Variants in CCDC83 observed in about 807,000 individuals in gnomAD.
The protein encoded by CCDC83 is coiled-coil domain-containing protein 83.
A neutral mutation model predicts 50.1 loss-of-function variants in CCDC83; 54 were observed. The ratio of observed to expected loss-of-function variants is 1.08; its 90% CI spans 0.87 to 1.35. The LOEUF (loss-of-function observed/expected upper bound fraction) is 1.35. Among genes scored for constraint, CCDC83 ranks in the 40% most tolerant of loss-of-function variants. CCDC83 has a pLI of 0.00. For missense variants in CCDC83, 518 were observed against 473.9 expected (o/e 1.09, Z -0.86); for synonymous variants, 161 against 153.3 (o/e 1.05, Z -0.37).
In CCDC83 at chr11:85,911,398, C is replaced by T; in HGVS notation, c.790C>T (p.Pro264Ser). 6.3e-7 allele frequency: 1 copy of T among 1,586,924 alleles called. No homozygotes were observed. The highest frequency in any genetic ancestry group is 1.4e-5 in the African/African-American group (1 of 73,722). The stretch of plus-strand genomic sequence containing the variant: ...CTGTAGACTTGTGGATCTCAAGATA[C>T]CCAGGTGAAAATTGTTAATATATAG... The part of the protein sequence containing the change: ...SNCRLVDLKI[P>S]RRLYLTQAAG... The change falls in exon 8 of 11, where the codon CCC becomes TCC. Residue 264 changes from proline to serine, a missense_variant. Transcript: ENST00000342404.
intron 1 of CCDC83, among the ~76,000 whole-genome samples, chr11:85,860,656 A>G (rs2093170888): frequency 6.6e-6 from 1 of 152,228 alleles, no homozygotes; most frequent in Non-Finnish European, 1.5e-5. Flanking sequence ...TAAGGAAAAT[A>G]AATCATTCTG....
intron 5 of CCDC83, among the ~76,000 whole-genome samples, chr11:85,888,352 T>C: frequency 6.6e-6 from 1 of 152,216 alleles, no homozygotes; most frequent in Non-Finnish European, 1.5e-5. Context: ...TCGAAAATGG[T>C]ATCTCATTGT....
chr11:85,896,277 A>G (rs112232987), intron 6 of CCDC83, among the ~76,000 whole-genome samples: 1 of 151,794 alleles, frequency 6.6e-6, no homozygotes, highest in African/African-American at 2.4e-5. Flanking sequence ...GTCCCAGCTC[A>G]GTAGTGCCAG....
intron 5 of CCDC83, among the ~76,000 whole-genome samples, chr11:85,887,297 G>T (rs2093331717): frequency 6.6e-6 from 1 of 152,186 alleles, no homozygotes; most frequent in South Asian, 2.1e-4. Flanking sequence ...AGAATCATAG[G>T]ACAGAATTAA....
chr11:85,903,954 G>A (rs1057281874), intron 7 of CCDC83, among the ~76,000 whole-genome samples: 10 of 151,566 alleles, frequency 6.6e-5, no homozygotes, highest in Non-Finnish European at 7.4e-5. Flanking sequence ...GCAACACAGC[G>A]AGACTCTGTC....
chr11:85,907,979 T>C (rs1484888065), intron 7 of CCDC83, among the ~76,000 whole-genome samples: 2 of 152,220 alleles, frequency 1.3e-5, no homozygotes, highest in East Asian at 3.8e-4. Flanking sequence ...CCTTTGACAT[T>C]TGAAAATCAT....
chr11:85,892,099 A>T (rs1007930281), intron 5 of CCDC83, among the ~76,000 whole-genome samples: 1 of 152,218 alleles, frequency 6.6e-6, no homozygotes, highest in African/African-American at 2.4e-5. Context: ...AGAAGAGTAT[A>T]TAATAAAGCT....
Position 85,865,162 on chromosome 11 carries a change from T to A in CCDC83, c.39T>A (p.His13Gln), listed in dbSNP as rs745421600. The A allele has an allele frequency of 6.2e-7, 1 of 1,613,324 alleles. No homozygotes were observed. The highest frequency in any genetic ancestry group is 8.5e-7 in the Non-Finnish European group (1 of 1,179,338). The change falls in exon 2 of 11, where the codon CAT (histidine) becomes CAA (glutamine). Residue 13 changes from histidine to glutamine, a missense_variant. His to Gln is a conservative substitution (Grantham distance 24). Transcript: ENST00000342404. ...NSGKANKKDTHDGPPKEIKLP... is the reference protein window; with the variant it reads ...NSGKANKKDTQDGPPKEIKLP... ...GGAAAGCAAATAAAAAGGATACACATGACGGGCCACCAAAAGAAATTAAAC... is the reference window on the plus strand; with the variant it reads ...GGAAAGCAAATAAAAAGGATACACAAGACGGGCCACCAAAAGAAATTAAAC...
intron 7 of CCDC83, among the ~76,000 whole-genome samples, chr11:85,900,755 T>A (rs1369708201): frequency 1.3e-5 from 2 of 152,164 alleles, no homozygotes; most frequent in African/African-American, 2.4e-5. Flanking sequence ...ACTGTGAAGG[T>A]CTTTTGTTAG....
At chr11:85,912,437 A>T (rs950052882) in intron 8 of CCDC83, among the ~76,000 whole-genome samples, 6 of 152,236 alleles carry the variant, frequency 3.9e-5, no homozygotes, top group Non-Finnish European at 5.9e-5. Flanking sequence ...GGATAGAGAA[A>T]GAGGCCATCT....
At chr11:85,912,532 T>C in intron 8 of CCDC83, 1 of 702,406 alleles carries the variant, frequency 1.4e-6, no homozygotes, top group Non-Finnish European at 2.6e-6. Flanking sequence ...GATTGATTAC[T>C]GAACTCCTGT....
intron 6 of CCDC83, 30 bp downstream of exon 6, chr11:85,895,414 AAAAC>A (rs2093369612): frequency 7.6e-7 from 1 of 1,321,082 alleles, no homozygotes; most frequent in Non-Finnish European, 1.1e-6. Flanking sequence ...AAAACAGAAC[AAAAC>A]AAACATTTTC....
Position 85,886,388 on chromosome 11 carries a change from T to C in CCDC83, c.511+21T>C, listed in dbSNP as rs891925853. The C allele has an allele frequency of 1.9e-6, 3 of 1,558,218 alleles. No homozygotes were observed. In the Admixed American group the frequency reaches 6.0e-5, roughly 31 times the overall value. Reference sequence around the variant, plus strand: ...GTCAGGTCAGTTGCAACAAAACTAGTTCAAGTTCAGTAAAAAACATCTTTA... The same window carrying C: ...GTCAGGTCAGTTGCAACAAAACTAGCTCAAGTTCAGTAAAAAACATCTTTA... On this transcript the variant is annotated intron_variant, in intron 5 of 10. Coordinates refer to ENST00000342404, the MANE Select transcript of CCDC83 (RefSeq NM_001286159.2).
At chr11:85,885,398 T>C (rs1418942156) in intron 4 of CCDC83, among the ~76,000 whole-genome samples, 2 of 152,164 alleles carry the variant, frequency 1.3e-5, no homozygotes, top group East Asian at 1.9e-4. Flanking sequence ...CAGAGATGAA[T>C]ATAATGTAGT....
In CCDC83 at chr11:85,919,365, GC is replaced by G; in HGVS notation, c.1102del (p.Leu368TrpfsTer3). 1 of 1,600,452 alleles carries G rather than the reference GC, an allele frequency of 6.2e-7. No individual in the cohort carries two copies. The highest frequency in any genetic ancestry group is 2.2e-5 in the East Asian group (1 of 44,774). Reference sequence around the variant, plus strand: ...TCACCATAGGATTATGTAAACTTGGGCCCCCTGGGAGTGAAGCTTATGAGTG... The same window carrying G: ...TCACCATAGGATTATGTAAACTTGGGCCCCTGGGAGTGAAGCTTATGAGTG... ...EKDFKDYVNL[G>X]PLGVKLMSVE... is the part of the protein sequence containing the mutation. On this transcript the variant is annotated frameshift_variant, in exon 11 of 11. Transcript: ENST00000342404. LOFTEE classifies it high-confidence loss of function.
chr11:85,886,021 T>A (rs2093324976), intron 4 of CCDC83, among the ~76,000 whole-genome samples, 179 bp from the exon 5 acceptor site: 1 of 152,312 alleles, frequency 6.6e-6, no homozygotes, highest in Non-Finnish European at 1.5e-5. Flanking sequence ...AGATTTTGAA[T>A]CAGGGGAGAT....
chr11:85,892,711 G>A (rs1449022723), intron 5 of CCDC83, among the ~76,000 whole-genome samples: 3 of 152,136 alleles, frequency 2.0e-5, no homozygotes, highest in South Asian at 2.1e-4. Flanking sequence ...TGATTATTGT[G>A]TTTTGTTGGG....
intron 3 of CCDC83, among the ~76,000 whole-genome samples, chr11:85,878,200 T>C (rs1349213773): frequency 6.6e-6 from 1 of 152,142 alleles, no homozygotes; most frequent in African/African-American, 2.4e-5. Context: ...CTACCTAGCT[T>C]CTCATAACAT....
At chr11:85,902,873 T>C (rs1053330649) in intron 7 of CCDC83, among the ~76,000 whole-genome samples, 54 of 152,192 alleles carry the variant, frequency 3.5e-4, no homozygotes, top group Admixed American at 3.3e-4. Flanking sequence ...TTATAGTATA[T>C]ACCTCTGTAT....
Sources: allele counts gnomAD v4.1 joint callset (sites outside exome capture counted in the v4.1 genomes callset), GRCh38; gene constraint gnomAD v4.1.1; transcripts MANE v1.5; gene names NCBI Gene and HGNC (gene_info 2026-07-23, HGNC 2026-07-21).